The following KLRK1 variants were observed in gnomAD, a reference collection of about 807,000 sequenced individuals.
KLRK1 encodes killer cell lectin like receptor K1, also known as NKG2-D type II integral membrane protein.
KLRK1 carries 40 observed loss-of-function variants against 31.3 expected under a neutral mutation model. The observed-to-expected ratio is 1.28, with a 90% CI of 0.99 to 1.67. The LOEUF (loss-of-function observed/expected upper bound fraction) is 1.67. Among genes scored for constraint, KLRK1 ranks in the 40% most tolerant of loss-of-function variants. KLRK1 has a pLI of 0.00. For missense variants in KLRK1, 251 were observed against 260.0 expected (o/e 0.97, Z 0.24); for synonymous variants, 77 against 77.3 (o/e 1.00, Z 0.02).
At position 10,383,633 on chromosome 12, in the gene KLRK1, A is replaced by C. The variant is rs78787856; in HGVS notation, c.148+3270T>G. ...ATAAAAGAAACATCAGAGTAAAACT[A>C]TAATATAGACCTAATGAACCTAACT... On this transcript the variant is annotated intron_variant, in intron 3 of 7. Transcript: ENST00000240618. 2.8e-3 allele frequency among the ~76,000 whole-genome samples: 424 copies of C among 152,212 alleles called. 3 individuals carry two copies. Among genetic ancestry groups the C allele is most frequent in the African/African-American group, 9.9e-3 (411 of 41,570 alleles).
chr12:10,376,564 A>T (rs569485202), intron 7 of KLRK1, among the ~76,000 whole-genome samples: 6 of 152,322 alleles, frequency 3.9e-5, no homozygotes, highest in Non-Finnish European at 8.8e-5. Flanking sequence ...AACTTTTATT[A>T]GAAAAAAAGG....
Position 10,378,629 on chromosome 12 carries a change from T to A in KLRK1, c.354A>T (p.Lys118Asn). The A allele has an allele frequency of 6.2e-7, 1 of 1,611,754 alleles. No individual in the cohort carries two copies. Among genetic ancestry groups the A allele is most frequent in the Non-Finnish European group, 8.5e-7 (1 of 1,179,526 alleles). Residue 118 changes from lysine to asparagine, a missense_variant, in exon 6 of 8, where the codon AAA becomes AAT. Physicochemically the swap from Lys to Asn is moderately conservative, Grantham distance 94 (BLOSUM62 0). Coordinates refer to ENST00000240618, the MANE Select transcript of KLRK1 (RefSeq NM_007360.4). ...NNCYQFFDES[K>N]NWYESQASCM... The stretch of plus-strand genomic sequence containing the variant: ...AAGAAGCCTGGCTCTCATACCAGTT[T>A]TTACTCTCATCAAAAAATTGGTAGC...
chr12:10,389,918 C>T lies in KLRK1; in HGVS notation c.-66+25G>A, dbSNP rs564233244. The T allele has an allele frequency of 7.9e-5, 12 of 152,136 alleles. No homozygotes were observed. The South Asian group carries it at 2.1e-3, about 26-fold the overall frequency. 9.4% of individuals were successfully genotyped at this position (152,136 alleles called of 1,614,324 possible). ...TTTCTCATATCTTGAATAATAAACA[C>T]ACACACATACACACATACACACACC... On this transcript the variant is annotated intron_variant, in intron 1 of 7. Transcript: ENST00000240618.
chr12:10,382,757 C>CT (rs1394834969), intron 3 of KLRK1, among the ~76,000 whole-genome samples: 16 of 152,108 alleles, frequency 1.1e-4, no homozygotes, highest in Admixed American at 1.0e-3. Flanking sequence ...AAAGACAACT[C>CT]TATCAAAATA....
intron 1 of KLRK1, among the ~76,000 whole-genome samples, chr12:10,389,365 C>A (rs1032520717): frequency 6.6e-6 from 1 of 152,150 alleles, no homozygotes; most frequent in African/African-American, 2.4e-5. Flanking sequence ...TCATCATCAA[C>A]AAATTATCAT....
Position 10,372,994 on chromosome 12 carries a change from CTGACAGTCTT to C in KLRK1, c.*110_*119del. Reference sequence around the variant, plus strand: ...TTTGGTCCTGTGGAGTCTAAGAAATCTGACAGTCTTTGGTCATTTTGTCCTGTTTTTGTTT... The same window carrying C: ...TTTGGTCCTGTGGAGTCTAAGAAATCTGGTCATTTTGTCCTGTTTTTGTTT... On this transcript the variant is annotated 3_prime_UTR_variant, in exon 8 of 8. Coordinates refer to ENST00000240618, the MANE Select transcript of KLRK1 (RefSeq NM_007360.4). The C allele has an allele frequency of 1.2e-6, 1 of 828,926 alleles. No individual in the cohort carries two copies. The highest frequency in any genetic ancestry group is 1.9e-6 in the Non-Finnish European group (1 of 516,864). The allele number at this position is 828,926 out of a possible 1,614,324, so 51.3% of individuals were successfully genotyped here.
chr12:10,383,643 C>A (rs1863116184), intron 3 of KLRK1, among the ~76,000 whole-genome samples: 1 of 151,964 alleles, frequency 6.6e-6, no homozygotes, highest in Non-Finnish European at 1.5e-5. Context: ...ATAATATAGA[C>A]CTAATGAACC....
chr12:10,387,145 A>C (rs1863180866), intron 2 of KLRK1, 135 bp from the exon 3 acceptor site: 2 of 594,570 alleles, frequency 3.4e-6, no homozygotes, highest in Non-Finnish European at 5.7e-6. Context: ...ACATGAACTT[A>C]CTTTTGTTTT....
chr12:10,380,818 C>T (rs1015678721), intron 3 of KLRK1, among the ~76,000 whole-genome samples: 1 of 152,164 alleles, frequency 6.6e-6, no homozygotes, highest in Non-Finnish European at 1.5e-5. Flanking sequence ...GGGGTCCCTC[C>T]TCTTCTCTGG....
rs532525963 is a variant in KLRK1, at chr12:10,379,510, G to A, written c.242-28C>T. 96 of 1,417,230 alleles carry A rather than the reference G, an allele frequency of 6.8e-5. No homozygotes were observed. In the South Asian group the frequency reaches 1.2e-3, roughly 18 times the overall value. 87.8% of individuals were successfully genotyped at this position (1,417,230 alleles called of 1,614,324 possible). On this transcript the variant is annotated intron_variant, in intron 4 of 7. Coordinates refer to ENST00000240618, the MANE Select transcript of KLRK1 (RefSeq NM_007360.4). ...ATTAAAATAACCATAAGTATTAAAAGTTTGTATTGTTAGTAACTTATAGTA... is the reference window on the plus strand; with the variant it reads ...ATTAAAATAACCATAAGTATTAAAAATTTGTATTGTTAGTAACTTATAGTA...
intron 1 of KLRK1, 22 bp from the exon 2 acceptor site, chr12:10,388,897 A>G (rs1863219865): frequency 6.5e-7 from 1 of 1,529,950 alleles, no homozygotes; most frequent in Non-Finnish European, 9.0e-7. Context: ...AAAACTGGGC[A>G]TTTGTTTTTT....
chr12:10,388,726 A>G (rs773738541), intron 2 of KLRK1, 45 bp downstream of exon 2: 1 of 1,612,756 alleles, frequency 6.2e-7, no homozygotes, highest in East Asian at 2.2e-5. Flanking sequence ...GGTATCTTAA[A>G]ATTGTATAAA....
chr12:10,375,662 A>C (rs1176785663), intron 7 of KLRK1, among the ~76,000 whole-genome samples: 2 of 152,202 alleles, frequency 1.3e-5, no homozygotes, highest in African/African-American at 4.8e-5. Context: ...TGAGACTGAA[A>C]AAAGGAAAAG....
intron 7 of KLRK1, among the ~76,000 whole-genome samples, chr12:10,375,744 G>A (rs767561870): frequency 3.3e-5 from 5 of 152,196 alleles, no homozygotes; most frequent in Non-Finnish European, 5.9e-5. Context: ...GAACAGTGTA[G>A]TGACAGGTCA....
chr12:10,385,909 C>T (rs1863159395), intron 3 of KLRK1, among the ~76,000 whole-genome samples: 2 of 151,152 alleles, frequency 1.3e-5, no homozygotes, highest in Admixed American at 6.6e-5. Flanking sequence ...TAAAAATAAA[C>T]AAAAATTACC....
At position 10,373,024 on chromosome 12, in the gene KLRK1, T is replaced by C. The variant is rs2137798154; in HGVS notation, c.*90A>G. ...AGTCTTTGGTCATTTTGTCCTGTTTTTGTTTGTTTCCTTTAGTCTCAGTTG... is the reference window on the plus strand; with the variant it reads ...AGTCTTTGGTCATTTTGTCCTGTTTCTGTTTGTTTCCTTTAGTCTCAGTTG... On this transcript the variant is annotated 3_prime_UTR_variant, in exon 8 of 8. Coordinates refer to ENST00000240618, the MANE Select transcript of KLRK1 (RefSeq NM_007360.4). 5 of 1,163,742 alleles carry C rather than the reference T, an allele frequency of 4.3e-6. No homozygotes were observed. The South Asian group carries it at 5.4e-5, about 13-fold the overall frequency. 72.1% of individuals were successfully genotyped at this position (1,163,742 alleles called of 1,614,324 possible).
At chr12:10,374,727 T>G (rs1488180715) in intron 7 of KLRK1, among the ~76,000 whole-genome samples, 1 of 152,024 alleles carries the variant, frequency 6.6e-6, no homozygotes, top group African/African-American at 2.4e-5. Context: ...GATTTCTTTC[T>G]CTGTTTTTTC....
At chr12:10,387,100 T>A in intron 2 of KLRK1, 90 bp from the exon 3 acceptor site, 1 of 897,448 alleles carries the variant, frequency 1.1e-6, no homozygotes, top group Middle Eastern at 2.6e-4. Context: ...CATTTCCATC[T>A]ATGTACTTCC....
At chr12:10,380,067 T>G (rs1863043472) in intron 3 of KLRK1, among the ~76,000 whole-genome samples, 2 of 136,200 alleles carry the variant, frequency 1.5e-5, no homozygotes, top group African/African-American at 5.4e-5. Context: ...TTGTTTTTTT[T>G]TTTTTTTTTT....
Sources: gnomAD v4.1 joint callset for allele counts (sites outside exome capture counted in the v4.1 genomes callset) on GRCh38, gnomAD v4.1.1 for gene constraint, MANE v1.5 for transcripts, NCBI Gene and HGNC (gene_info 2026-07-23, HGNC 2026-07-21) for gene names.